JMJD1C: variants seen among roughly 807,000 people sequenced by gnomAD.
The protein encoded by JMJD1C is jumonji domain containing 1C.
JMJD1C carries 31 observed loss-of-function variants against 245.3 expected under a neutral mutation model. The observed-to-expected ratio is 0.13, with a 90% CI of 0.09 to 0.17. The LOEUF (loss-of-function observed/expected upper bound fraction) is 0.17, where lower values mean the gene tolerates loss of function less well. Ranked by LOEUF, JMJD1C falls within the 10% of genes least tolerant of loss-of-function variation. The pLI, the probability that JMJD1C is intolerant of heterozygous loss-of-function variation, is 1.00. For missense variants in JMJD1C, 2,691 were observed against 3,000.2 expected, an observed-to-expected ratio of 0.90 and a Z score of 2.41; for synonymous variants, 1,057 against 1,017.4, an observed-to-expected ratio of 1.04 and a Z score of -0.74.
chr10:63,339,797 A>G (rs1465541949), intron 2 of JMJD1C, among the ~76,000 whole-genome samples: 1 of 152,170 alleles, frequency 6.6e-6, no homozygotes, highest in Non-Finnish European at 1.5e-5. Flanking sequence ...GTGGTCTCAC[A>G]AACATTTTGT....
At chr10:63,419,609 G>C (rs1011571841) in intron 1 of JMJD1C, among the ~76,000 whole-genome samples, 3 of 151,848 alleles carry the variant, frequency 2.0e-5, no homozygotes, top group Non-Finnish European at 4.4e-5. Flanking sequence ...CCAAATCTAG[G>C]GTTCCAACAA....
intron 1 of JMJD1C, among the ~76,000 whole-genome samples, chr10:63,395,361 C>T (rs1948416236): frequency 6.6e-6 from 1 of 152,106 alleles, no homozygotes; most frequent in Non-Finnish European, 1.5e-5. Flanking sequence ...GCCTGTAGTC[C>T]TAGCTACTCA....
chr10:63,247,897 C>T (rs1852465738), intron 3 of JMJD1C, among the ~76,000 whole-genome samples: 1 of 151,986 alleles, frequency 6.6e-6, no homozygotes, highest in African/African-American at 2.4e-5. Flanking sequence ...CTTCCAAACT[C>T]ATTCCTTGAG....
At chr10:63,285,967 A>AATG in intron 2 of JMJD1C, among the ~76,000 whole-genome samples, 1 of 152,332 alleles carries the variant, frequency 6.6e-6, no homozygotes, top group South Asian at 2.1e-4. Flanking sequence ...GAAATAACAA[A>AATG]ATGACATCAT....
chr10:63,514,578 G>A (rs1359588118), intron 1 of JMJD1C, among the ~76,000 whole-genome samples: 1 of 152,032 alleles, frequency 6.6e-6, no homozygotes, highest in Non-Finnish European at 1.5e-5. Flanking sequence ...GCTAAACACT[G>A]GGTACTCACT....
intron 1 of JMJD1C, among the ~76,000 whole-genome samples, chr10:63,407,564 A>G (rs974229259): frequency 6.6e-6 from 1 of 152,218 alleles, no homozygotes; most frequent in Non-Finnish European, 1.5e-5. Context: ...CAGAGTTTCC[A>G]ATGTACTTTT....
chr10:63,450,786 T>G (rs1161904556), intron 1 of JMJD1C, among the ~76,000 whole-genome samples: 1 of 152,182 alleles, frequency 6.6e-6, no homozygotes, highest in African/African-American at 2.4e-5. Flanking sequence ...CTGTTGCCAC[T>G]TCTATTCAAC....
intron 2 of JMJD1C, among the ~76,000 whole-genome samples, chr10:63,275,245 T>C (rs1055473220): frequency 1.3e-5 from 2 of 152,146 alleles, no homozygotes; most frequent in Non-Finnish European, 2.9e-5. Flanking sequence ...GTGAAAGCAT[T>C]GTATTTATTT....
chr10:63,343,707 C>T (rs540961893), intron 2 of JMJD1C, among the ~76,000 whole-genome samples: 1 of 152,158 alleles, frequency 6.6e-6, no homozygotes, highest in African/African-American at 2.4e-5. Flanking sequence ...CACTGCACAG[C>T]CATTATAACA....
chr10:63,214,763 G>A lies in JMJD1C; in HGVS notation c.1404C>T (p.Ser468=), dbSNP rs775051175. The A allele has an allele frequency of 1.2e-6, 2 of 1,613,312 alleles. No homozygotes were observed. Among genetic ancestry groups the A allele is most frequent in the East Asian group, 2.2e-5 (1 of 44,856 alleles). ...CATTAGAATTATGATCAGAAACTGT[G>A]GACTGTTCTGACGAATGAATAATCA... ...EDMIIHSSEQ[S]TVSDHNSNDL... is the part of the protein sequence containing the mutation. The change falls in exon 8 of 26, where the codon TCC becomes TCT. Residue 468 remains serine, a synonymous_variant. Transcript: ENST00000399262.
At chr10:63,304,025 T>C (rs548911217) in intron 2 of JMJD1C, among the ~76,000 whole-genome samples, 7 of 152,304 alleles carry the variant, frequency 4.6e-5, no homozygotes, top group Middle Eastern at 3.4e-3. Context: ...CTAATGACAC[T>C]AATCTTACTC....
At chr10:63,289,726 T>C (rs1858416483) in intron 2 of JMJD1C, among the ~76,000 whole-genome samples, 1 of 152,184 alleles carries the variant, frequency 6.6e-6, no homozygotes, top group Non-Finnish European at 1.5e-5. Context: ...GGATTACTGG[T>C]TGAATCTCAT....
intron 1 of JMJD1C, among the ~76,000 whole-genome samples, chr10:63,394,844 C>A (rs375362946): frequency 0.014 from 1,808 of 125,948 alleles, no homozygotes; most frequent in Non-Finnish European, 0.017. Flanking sequence ...AACTCCATCA[C>A]AAAAAAAAAA....
chr10:63,417,564 C>A (rs1291997481), intron 1 of JMJD1C, among the ~76,000 whole-genome samples: 1 of 152,136 alleles, frequency 6.6e-6, no homozygotes, highest in Non-Finnish European at 1.5e-5. Context: ...AGTGACTACA[C>A]AGACTTGTTA....
chr10:63,313,106 T>A (rs1272193047), intron 2 of JMJD1C, among the ~76,000 whole-genome samples: 1 of 152,124 alleles, frequency 6.6e-6, no homozygotes, highest in East Asian at 1.9e-4. Flanking sequence ...CCACCCACCA[T>A]TTCCCCCGCA....
chr10:63,352,661 T>A, intron 2 of JMJD1C, among the ~76,000 whole-genome samples: 1 of 141,068 alleles, frequency 7.1e-6, no homozygotes, highest in African/African-American at 2.6e-5. Flanking sequence ...AAAAAAAAAT[T>A]TAAACTGGAA....
Position 63,208,576 on chromosome 10 carries a change from A to C in JMJD1C, c.3093T>G (p.Asp1031Glu), listed in dbSNP as rs1397945403. The C allele has an allele frequency of 3.7e-6, 6 of 1,613,960 alleles. No individual in the cohort carries two copies. In the Admixed American group the frequency reaches 8.3e-5, roughly 22 times the overall value. Residue 1031 changes from aspartate to glutamate, a missense_variant, in exon 10 of 26, where the codon GAT becomes GAG. By Grantham distance (45) the Asp-to-Glu change is conservative. Around this residue, in one of 9 missense-constraint regions of JMJD1C, gnomAD observed 1,562 missense variants for 1,490.7 expected, o/e 1.05. Coordinates refer to ENST00000399262, the MANE Select transcript of JMJD1C (RefSeq NM_032776.3). ...EHRRILQESIDVAPFTTKIKG... is the reference protein window; with the variant it reads ...EHRRILQESIEVAPFTTKIKG... Reference sequence around the variant, plus strand: ...TGATTTTAGTTGTAAAGGGAGCAACATCAATACTTTCTTGAAGAATTCGAC... The same window carrying C: ...TGATTTTAGTTGTAAAGGGAGCAACCTCAATACTTTCTTGAAGAATTCGAC...
At chr10:63,372,435 A>T (rs1258519249) in intron 2 of JMJD1C, among the ~76,000 whole-genome samples, 2 of 152,214 alleles carry the variant, frequency 1.3e-5, no homozygotes, top group African/African-American at 4.8e-5. Context: ...TGATTTCAGG[A>T]ATCAAATTTG....
At chr10:63,463,948 A>T (rs1331643510) in intron 1 of JMJD1C, among the ~76,000 whole-genome samples, 1 of 152,124 alleles carries the variant, frequency 6.6e-6, no homozygotes, top group Non-Finnish European at 1.5e-5. Flanking sequence ...TAAATTCCCA[A>T]CTAAGAGAGC....
Sources: gnomAD v4.1 joint callset for allele counts (sites outside exome capture counted in the v4.1 genomes callset) on GRCh38, gnomAD v4.1.1 for gene constraint, gnomAD v4.1.1 regional missense constraint, MANE v1.5 for transcripts, NCBI Gene and HGNC (gene_info 2026-07-23, HGNC 2026-07-21) for gene names.